ARHGEF6: variants seen among roughly 807,000 people sequenced by gnomAD.
ARHGEF6 encodes rho guanine nucleotide exchange factor 6.
A neutral mutation model predicts 70.3 loss-of-function variants in ARHGEF6; 9 were observed. That is an observed-to-expected ratio of 0.13 (90% confidence interval 0.08 to 0.22). The LOEUF is 0.22. ARHGEF6 is among the 10% of genes least tolerant of loss of function. The probability of loss-of-function intolerance (pLI) is 1.00; values close to 1 mark genes in which losing one functional copy is unlikely to be tolerated. For missense variants in ARHGEF6, 470 were observed against 563.0 expected (o/e 0.83, Z 1.67); for synonymous variants, 201 against 207.8 (o/e 0.97, Z 0.28).
At chrX:136,767,705 G>T in intron 2 of ARHGEF6, 4 of 754,671 alleles carry the variant, frequency 5.3e-6, no homozygotes, top group Non-Finnish European at 6.3e-6. Context: ...ACCCGCGCCG[G>T]TCCCCTCCTG....
At chrX:136,712,324 G>A (rs1355378619) in intron 7 of ARHGEF6, among the ~76,000 whole-genome samples, 1 of 111,139 alleles carries the variant, frequency 9.0e-6, no homozygotes, top group Admixed American at 9.5e-5. Flanking sequence ...TGTTGGCCAG[G>A]CTGGTCTTGG....
At position 136,779,461 on chromosome X, in the gene ARHGEF6, T is replaced by C; in HGVS notation, c.202A>G (p.Asn68Asp). The C allele has an allele frequency of 8.3e-7, 1 of 1,211,558 alleles. No individual in the cohort carries two copies. Among genetic ancestry groups the C allele is most frequent in the Non-Finnish European group, 1.1e-6 (1 of 895,270 alleles). The stretch of plus-strand genomic sequence containing the variant: ...CCTTTCAGGAAGTCATTGATGTTGT[T>C]GATGCAGTCAGCTTCAGTTTGGGGA... ...LDPQTEADCINNINDFLKGCA... is the reference protein window; with the variant it reads ...LDPQTEADCIDNINDFLKGCA... Residue 68 changes from asparagine to aspartate, a missense_variant, in exon 2 of 22, where the codon AAC (asparagine) becomes GAC (aspartate). Asn to Asp is a conservative substitution (Grantham distance 23, BLOSUM62 1). Transcript: ENST00000250617.
rs185905657 is a variant in ARHGEF6 at position 136,751,781 on chromosome X, G to A, written c.250-4189C>T. On this transcript the variant is annotated intron_variant, in intron 2 of 21. Transcript: ENST00000250617. ...CTTGATCTTGGATTTCTGGCCTCCA[G>A]AACTATGAGAAATACACTTCCATTG... Among the ~76,000 whole-genome samples the A allele has an allele frequency of 2.2e-3, 248 of 111,745 alleles. 1 individual carries two copies. The highest frequency in any genetic ancestry group is 4.3e-3 in the Non-Finnish European group (231 of 53,123).
rs752494184 is a variant in ARHGEF6, at chrX:136,762,832, A to C, written c.250-15240T>G. Reference sequence around the variant, plus strand: ...ATAAGTGGTATTACTACTACCTCCTAGGAGGTTAGCATATACCTAATAAGT... The same window carrying C: ...ATAAGTGGTATTACTACTACCTCCTCGGAGGTTAGCATATACCTAATAAGT... On this transcript the variant is annotated intron_variant, in intron 2 of 21. Transcript: ENST00000250617. 6.3e-5 allele frequency among the ~76,000 whole-genome samples: 7 copies of C among 111,878 alleles called. No homozygotes were observed. The East Asian group carries it at 2.0e-3, about 31-fold the overall frequency.
intron 2 of ARHGEF6, among the ~76,000 whole-genome samples, chrX:136,775,909 GAATC>G (rs1377141039): frequency 9.0e-6 from 1 of 111,353 alleles, no homozygotes; most frequent in Non-Finnish European, 1.9e-5. Context: ...ACCAAGCTGA[GAATC>G]AAATCAAGAA....
At chrX:136,739,045 T>C (rs990718918) in intron 5 of ARHGEF6, among the ~76,000 whole-genome samples, 6 of 111,144 alleles carry the variant, frequency 5.4e-5, no homozygotes, top group African/African-American at 2.0e-4. Context: ...TCCTAGACCA[T>C]GTTATCCCTT....
rs191224836 is a variant in ARHGEF6, at chrX:136,755,854, A to T, written c.250-8262T>A. ...CTTTGAAGTCCGCATTCCCCCACAGACCTGGCCCCAATATTCAACATACAC... is the reference window on the plus strand; with the variant it reads ...CTTTGAAGTCCGCATTCCCCCACAGTCCTGGCCCCAATATTCAACATACAC... On this transcript the variant is annotated intron_variant, in intron 2 of 21. Transcript: ENST00000250617. 1.3e-3 allele frequency among the ~76,000 whole-genome samples: 150 copies of T among 111,686 alleles called. 1 individual carries two copies. Among genetic ancestry groups the T allele is most frequent in the Non-Finnish European group, 2.0e-3 (106 of 53,141 alleles).
intron 2 of ARHGEF6, among the ~76,000 whole-genome samples, chrX:136,764,777 C>T (rs746185359): frequency 2.3e-4 from 26 of 111,761 alleles, no homozygotes; most frequent in Admixed American, 5.7e-4. Flanking sequence ...TGCAATTTCC[C>T]GAATGTAAAT....
chrX:136,766,517 C>A (rs976401002), intron 2 of ARHGEF6, among the ~76,000 whole-genome samples: 4 of 111,402 alleles, frequency 3.6e-5, no homozygotes, highest in African/African-American at 1.3e-4. Context: ...ATGTGAGTTA[C>A]CCCTCTATCC....
At chrX:136,711,364 G>C (rs1048343131) in intron 7 of ARHGEF6, among the ~76,000 whole-genome samples, 4 of 110,787 alleles carry the variant, frequency 3.6e-5, no homozygotes, top group African/African-American at 9.9e-5. Flanking sequence ...CTCCAGCCTG[G>C]CCATGTACTG....
intron 11 of ARHGEF6, among the ~76,000 whole-genome samples, chrX:136,687,128 C>A (rs776544651): frequency 9.0e-6 from 1 of 111,579 alleles, no homozygotes; most frequent in East Asian, 2.8e-4. Flanking sequence ...TATTAGCTTG[C>A]GCCATGTAAA....
chrX:136,681,915 C>G lies in ARHGEF6; in HGVS notation c.1533G>C (p.Gly511=). Residue 511 remains glycine, a synonymous_variant, in exon 14 of 22, where the codon GGG becomes GGC. Transcript: ENST00000250617. ...CAGTGATTTCAAATGTGCAGTCATT[C>G]CCTTCAATTTCATCTAATCTAGTCA... The part of the protein sequence containing the change: ...TVVTRLDEIE[G]NDCTFEITGN... 8.3e-7 allele frequency: 1 copy of G among 1,208,713 alleles called. No individual in the cohort carries two copies. The highest frequency in any genetic ancestry group is 1.1e-6 in the Non-Finnish European group (1 of 893,046).
chrX:136,686,677 T>C (rs866440154), intron 11 of ARHGEF6, among the ~76,000 whole-genome samples: 1 of 69,261 alleles, frequency 1.4e-5, no homozygotes, highest in Non-Finnish European at 2.6e-5. Flanking sequence ...TATATATATA[T>C]ACACATATAT....
chrX:136,677,986 T>A (rs1301457126), intron 16 of ARHGEF6, 30 bp from the exon 17 acceptor site: 2 of 1,183,627 alleles, frequency 1.7e-6, no homozygotes, highest in African/African-American at 3.5e-5. Flanking sequence ...AAAGAGAAGA[T>A]GAGCGTGAGA....
chrX:136,685,601 C>T lies in ARHGEF6; in HGVS notation c.1392+76G>A, dbSNP rs1267276053. The T allele has an allele frequency of 1.5e-5, 15 of 976,468 alleles. No individual in the cohort carries two copies. The Admixed American group carries it at 1.8e-4, about 12-fold the overall frequency. 80.5% of individuals were successfully genotyped at this position (976,468 alleles called of 1,213,427 possible). A position where few individuals can be genotyped will look rare whatever the true frequency, so the allele number is the denominator to read the frequency against. On this transcript the variant is annotated intron_variant, in intron 12 of 21. Transcript: ENST00000250617. The stretch of plus-strand genomic sequence containing the variant: ...CAGCCTGAGTGACAGAACAAGACTC[C>T]GTCAAAAAAAAAAAAAAAAAAGGAA...
chrX:136,753,604 G>A (rs2077174530), intron 2 of ARHGEF6, among the ~76,000 whole-genome samples: 1 of 111,151 alleles, frequency 9.0e-6, no homozygotes, highest in Non-Finnish European at 1.9e-5. Flanking sequence ...TAAACCAAAA[G>A]GCCAATTTCT....
intron 10 of ARHGEF6, among the ~76,000 whole-genome samples, chrX:136,689,134 C>T (rs1030122718): frequency 2.7e-5 from 3 of 112,419 alleles, no homozygotes; most frequent in African/African-American, 9.7e-5. Flanking sequence ...AAAATTTATC[C>T]TTATCCAAAT....
chrX:136,685,716 A>G lies in ARHGEF6; in HGVS notation c.1353T>C (p.Ile451=). The G allele has an allele frequency of 8.3e-7, 1 of 1,211,108 alleles. No individual in the cohort carries two copies. The highest frequency in any genetic ancestry group is 1.1e-6 in the Non-Finnish European group (1 of 894,915). The change falls in exon 12 of 22, where the codon ATT becomes ATC. Residue 451 remains isoleucine (I), a synonymous_variant. Coordinates refer to ENST00000250617, the MANE Select transcript of ARHGEF6 (RefSeq NM_004840.3). ...GEDIKNLGNV[I]FMSQVMVQYG... is the part of the protein sequence containing the mutation. Reference sequence around the variant, plus strand: ...ACTGCACCATTACTTGTGACATAAAAATCACATTTCCCAAGTTTTTAATAT... The same window carrying G: ...ACTGCACCATTACTTGTGACATAAAGATCACATTTCCCAAGTTTTTAATAT...
chrX:136,752,426 T>C (rs1302650889), intron 2 of ARHGEF6, among the ~76,000 whole-genome samples: 1 of 111,907 alleles, frequency 8.9e-6, no homozygotes, highest in Non-Finnish European at 1.9e-5. Flanking sequence ...CTGGTAGGGG[T>C]CCAGCTCGTG....
Sources: gnomAD v4.1 joint callset for allele counts (sites outside exome capture counted in the v4.1 genomes callset) on GRCh38, gnomAD v4.1.1 for gene constraint, MANE v1.5 for transcripts, NCBI Gene and HGNC (gene_info 2026-07-23, HGNC 2026-07-21) for gene names.